GNB1: variants seen among roughly 807,000 people sequenced by gnomAD.
The protein encoded by GNB1 is G protein subunit beta 1.
A neutral mutation model predicts 42.9 loss-of-function variants in GNB1; 2 were observed. The observed-to-expected ratio is 0.05, with a 90% CI of 0.02 to 0.15. The LOEUF is 0.15. Ranked by LOEUF, GNB1 falls within the 10% of genes least tolerant of loss-of-function variation. The pLI is 1.00. For synonymous variants in GNB1, 183 were observed against 174.7 expected (o/e 1.05, Z -0.38); for missense variants, 193 against 462.2 (o/e 0.42, Z 5.34).
chr1:1,815,979 C>T (rs1260234929), intron 4 of GNB1, 117 bp from the exon 5 acceptor site: 3 of 676,778 alleles, frequency 4.4e-6, no homozygotes, highest in Non-Finnish European at 8.0e-6. Context: ...CCAGCCCTTC[C>T]CACAGTTCTC....
At chr1:1,856,559 C>T (rs912859645) in intron 1 of GNB1, among the ~76,000 whole-genome samples, 1 of 152,212 alleles carries the variant, frequency 6.6e-6, no homozygotes, top group African/African-American at 2.4e-5. Flanking sequence ...TCCCGAGTAG[C>T]TGGGACTACA....
intron 2 of GNB1, among the ~76,000 whole-genome samples, chr1:1,834,616 G>C (rs980850965): frequency 3.3e-5 from 5 of 150,516 alleles, no homozygotes; most frequent in African/African-American, 1.2e-4. Flanking sequence ...AAGGTGGTGA[G>C]AAACTAACAA....
chr1:1,814,956 C>CA (rs1027851271), intron 5 of GNB1, among the ~76,000 whole-genome samples: 3 of 151,186 alleles, frequency 2.0e-5, no homozygotes, highest in African/African-American at 7.3e-5. Context: ...ACTAAAAATA[C>CA]AAAAAAATTA....
chr1:1,855,361 C>G (rs991497929), intron 1 of GNB1, among the ~76,000 whole-genome samples: 5 of 150,954 alleles, frequency 3.3e-5, no homozygotes, highest in South Asian at 2.1e-4. Flanking sequence ...AAAAAAGAAC[C>G]CAAATTCCAT....
At chr1:1,832,509 A>G (rs756947112) in intron 2 of GNB1, among the ~76,000 whole-genome samples, 1 of 152,256 alleles carries the variant, frequency 6.6e-6, no homozygotes, top group Non-Finnish European at 1.5e-5. Context: ...GAATAACTTA[A>G]AAGCAAGCAG....
intron 1 of GNB1, among the ~76,000 whole-genome samples, chr1:1,871,406 G>A (rs1649239679): frequency 6.6e-6 from 1 of 152,102 alleles, no homozygotes. Context: ...GTTGCAGTGA[G>A]CCCAGATCGC....
intron 1 of GNB1, among the ~76,000 whole-genome samples, chr1:1,877,335 A>C (rs1649605313): frequency 1.3e-5 from 2 of 150,130 alleles, no homozygotes; most frequent in African/African-American, 4.9e-5. Context: ...ATATATACAC[A>C]CACACACAGA....
At position 1,831,982 on chromosome 1, in the gene GNB1, G is replaced by A. The variant is rs1205802743; in HGVS notation, c.-46-6483C>T. ...GAGGCTGAAGTGGGAGAATCCACTT[G>A]AGCCTGGGAAATTGAGGCTACAGTG... is the stretch of plus-strand genomic sequence containing the variant. On this transcript the variant is annotated intron_variant, in intron 2 of 11. Transcript: ENST00000378609. 7.3e-5 allele frequency among the ~76,000 whole-genome samples: 11 copies of A among 149,714 alleles called. 1 individual carries two copies. The highest frequency in any genetic ancestry group is 7.3e-4 in the Admixed American group (11 of 15,002).
Position 1,854,267 on chromosome 1 carries a change from C to T in GNB1, c.-95-15029G>A, listed in dbSNP as rs143194780. Among the ~76,000 whole-genome samples the T allele has an allele frequency of 3.3e-5, 5 of 152,280 alleles. No homozygotes were observed. In the East Asian group the frequency reaches 5.8e-4, roughly 18 times the overall value. On this transcript the variant is annotated intron_variant, in intron 1 of 11. Coordinates refer to ENST00000378609, the MANE Select transcript of GNB1 (RefSeq NM_002074.5). ...CCACTCTGGTGTGGAGAAATCTGAG[C>T]GGGGTCCCAAGGACAGGGTGAACAG...
At chr1:1,867,699 G>C (rs929429460) in intron 1 of GNB1, among the ~76,000 whole-genome samples, 1 of 151,908 alleles carries the variant, frequency 6.6e-6, no homozygotes, top group Non-Finnish European at 1.5e-5. Context: ...TCCTGCCTTT[G>C]AACTATAGTT....
intron 1 of GNB1, among the ~76,000 whole-genome samples, chr1:1,845,283 C>T (rs1647570951): frequency 6.6e-6 from 1 of 152,154 alleles, no homozygotes; most frequent in Admixed American, 6.6e-5. Context: ...CATAATAATG[C>T]TTAAAGTAGG....
chr1:1,880,208 C>T (rs1472660859), intron 1 of GNB1, among the ~76,000 whole-genome samples: 1 of 152,206 alleles, frequency 6.6e-6, no homozygotes, highest in Non-Finnish European at 1.5e-5. Context: ...ACTGGGATTA[C>T]AGGTGTGAGC....
chr1:1,851,096 C>T (rs1647955281), intron 1 of GNB1, among the ~76,000 whole-genome samples: 2 of 151,910 alleles, frequency 1.3e-5, no homozygotes, highest in African/African-American at 2.4e-5. Flanking sequence ...GGTGAAACCC[C>T]GTCTCTACTA....
intron 1 of GNB1, among the ~76,000 whole-genome samples, chr1:1,853,648 A>G (rs954448809): frequency 3.3e-5 from 5 of 152,196 alleles, no homozygotes; most frequent in African/African-American, 1.2e-4. Context: ...TTTATAACCC[A>G]TATTCTAAAT....
At chr1:1,820,439 A>C (rs1646917436) in intron 3 of GNB1, among the ~76,000 whole-genome samples, 6 of 150,046 alleles carry the variant, frequency 4.0e-5, no homozygotes, top group Admixed American at 4.0e-4. Flanking sequence ...ATTCATCTTT[A>C]GTTAAGCTCT....
At chr1:1,825,327 T>C (rs1570674652) in intron 3 of GNB1, 70 bp downstream of exon 3, 1 of 1,078,764 alleles carries the variant, frequency 9.3e-7, no homozygotes, top group East Asian at 2.4e-5. Flanking sequence ...TAAACCATTT[T>C]TCCTAAAACA....
chr1:1,805,787 C>T (rs2100717468), intron 6 of GNB1, among the ~76,000 whole-genome samples: 1 of 152,192 alleles, frequency 6.6e-6, no homozygotes, highest in African/African-American at 2.4e-5. Context: ...GGTGATCCAC[C>T]TGCTTCAGCC....
intron 2 of GNB1, among the ~76,000 whole-genome samples, chr1:1,838,666 G>A (rs1275110997): frequency 1.3e-5 from 2 of 151,216 alleles, no homozygotes; most frequent in Admixed American, 6.6e-5. Flanking sequence ...GGATGGTCTC[G>A]ATCTCCTGAC....
At chr1:1,829,215 C>T (rs778789595) in intron 2 of GNB1, among the ~76,000 whole-genome samples, 1 of 152,060 alleles carries the variant, frequency 6.6e-6, no homozygotes, top group Non-Finnish European at 1.5e-5. Context: ...TGCTACCACG[C>T]TTGGCTAGTT....
Sources: gnomAD v4.1 joint callset for allele counts (sites outside exome capture counted in the v4.1 genomes callset) on GRCh38, gnomAD v4.1.1 for gene constraint, MANE v1.5 for transcripts, NCBI Gene and HGNC (gene_info 2026-07-23, HGNC 2026-07-21) for gene names.